Variants in CADPS2 observed in about 807,000 individuals in gnomAD.
The protein encoded by CADPS2 is calcium-dependent secretion activator 2.
A neutral mutation model predicts 172.5 loss-of-function variants in CADPS2; 93 were observed. The ratio of observed to expected loss-of-function variants is 0.54; its 90% CI spans 0.46 to 0.64. The LOEUF (loss-of-function observed/expected upper bound fraction) is 0.64, where lower values mean the gene tolerates loss of function less well. CADPS2 is among the 30% of genes least tolerant of loss of function. The pLI, the probability that CADPS2 is intolerant of heterozygous loss-of-function variation, is 0.00. For synonymous variants in CADPS2, 546 were observed against 555.2 expected (o/e 0.98, Z 0.23); for missense variants, 1,420 against 1,565.9 (o/e 0.91, Z 1.57).
intron 3 of CADPS2, among the ~76,000 whole-genome samples, chr7:122,635,551 T>G (rs113866611): frequency 6.6e-6 from 1 of 152,042 alleles, no homozygotes. Flanking sequence ...GTTCTTGCGA[T>G]AGTTTACTGA....
chr7:122,847,415 C>T (rs979972141), intron 1 of CADPS2, among the ~76,000 whole-genome samples: 2 of 152,186 alleles, frequency 1.3e-5, no homozygotes, highest in Admixed American at 6.5e-5. Flanking sequence ...TCTAGCTCAA[C>T]ACTCAACTCC....
chr7:122,366,685 G>GTATATATATA (rs34421933), intron 25 of CADPS2: 1 of 126,768 alleles, frequency 7.9e-6, no homozygotes, highest in African/African-American at 3.3e-5. Flanking sequence ...ATATATATAC[G>GTATATATATA]TATATATATA....
intron 1 of CADPS2, among the ~76,000 whole-genome samples, chr7:122,792,570 A>G (rs954908946): frequency 6.6e-6 from 1 of 152,160 alleles, no homozygotes; most frequent in East Asian, 1.9e-4. Context: ...ACAGACTAAG[A>G]CACTATTTTA....
rs528561550 is a variant in CADPS2 at position 122,817,456 on chromosome 7, C to T, written c.339+68543G>A. 6.6e-5 allele frequency among the ~76,000 whole-genome samples: 10 copies of T among 152,232 alleles called. No individual in the cohort carries two copies. In the East Asian group the frequency reaches 7.7e-4, roughly 12 times the overall value. ...TTTCATTTTCTGGGAGAGACAAAGG[C>T]GACACGTTTTATCCGTGGACCCAAA... On this transcript the variant is annotated intron_variant, in intron 1 of 29. Coordinates refer to ENST00000449022, the MANE Select transcript of CADPS2 (RefSeq NM_017954.11).
intron 2 of CADPS2, among the ~76,000 whole-genome samples, chr7:122,722,747 G>C (rs899246923): frequency 1.4e-5 from 2 of 145,582 alleles, no homozygotes; most frequent in African/African-American, 5.1e-5. Flanking sequence ...AAAGAACAAA[G>C]CTGGAGGCAT....
intron 7 of CADPS2, among the ~76,000 whole-genome samples, chr7:122,568,818 G>C (rs2066810278): frequency 1.3e-5 from 2 of 151,960 alleles, no homozygotes; most frequent in African/African-American, 4.8e-5. Context: ...GAGCCAAAAA[G>C]AAAAAAATCA....
intron 1 of CADPS2, among the ~76,000 whole-genome samples, chr7:122,769,624 C>T (rs1224808516): frequency 6.6e-6 from 1 of 152,174 alleles, no homozygotes; most frequent in Non-Finnish European, 1.5e-5. Flanking sequence ...GCCATTTTCT[C>T]AAGTCTCTTA....
At chr7:122,804,457 A>AT (rs1798349690) in intron 1 of CADPS2, among the ~76,000 whole-genome samples, 1 of 152,168 alleles carries the variant, frequency 6.6e-6, no homozygotes. Flanking sequence ...ATGGCTGATG[A>AT]TTTTAGAATC....
At chr7:122,751,744 T>C (rs2138408042) in intron 1 of CADPS2, among the ~76,000 whole-genome samples, 1 of 152,216 alleles carries the variant, frequency 6.6e-6, no homozygotes, top group Admixed American at 6.5e-5. Context: ...GCTACACTGA[T>C]CCAAAGAGAA....
intron 1 of CADPS2, among the ~76,000 whole-genome samples, chr7:122,766,148 C>A (rs970586714): frequency 2.0e-5 from 3 of 152,020 alleles, no homozygotes; most frequent in African/African-American, 7.2e-5. Context: ...CACACTCTTG[C>A]AGTAACCCAG....
At chr7:122,550,123 C>A (rs1458598228) in intron 8 of CADPS2, among the ~76,000 whole-genome samples, 1 of 152,136 alleles carries the variant, frequency 6.6e-6, no homozygotes, top group Non-Finnish European at 1.5e-5. Flanking sequence ...GGCCCTCTCT[C>A]TGGGAAATGG....
chr7:122,825,584 A>G (rs984761459), intron 1 of CADPS2, among the ~76,000 whole-genome samples: 1 of 152,336 alleles, frequency 6.6e-6, no homozygotes, highest in Middle Eastern at 3.4e-3. Flanking sequence ...GGTAAAGGAA[A>G]CAGGGCTGAA....
At chr7:122,552,490 T>C (rs1587183363) in intron 8 of CADPS2, among the ~76,000 whole-genome samples, 1 of 152,114 alleles carries the variant, frequency 6.6e-6, no homozygotes, top group East Asian at 1.9e-4. Context: ...CAGGCCTTTC[T>C]AGGGGTACTG....
At chr7:122,763,447 G>A (rs1275097654) in intron 1 of CADPS2, among the ~76,000 whole-genome samples, 3 of 152,082 alleles carry the variant, frequency 2.0e-5, no homozygotes, top group Admixed American at 2.0e-4. Flanking sequence ...TAGAAATATG[G>A]GTCATATGTA....
At chr7:122,551,965 G>A (rs1217814872) in intron 8 of CADPS2, among the ~76,000 whole-genome samples, 1 of 152,076 alleles carries the variant, frequency 6.6e-6, no homozygotes, top group Non-Finnish European at 1.5e-5. Context: ...GACGAATATA[G>A]CTATGCTGTA....
chr7:122,809,515 C>T (rs893447859), intron 1 of CADPS2, among the ~76,000 whole-genome samples: 8 of 149,582 alleles, frequency 5.3e-5, no homozygotes, highest in South Asian at 2.1e-4. Flanking sequence ...GGGAAGCAGA[C>T]GTTGCAGTGC....
chr7:122,545,663 G>C (rs2063549798), intron 8 of CADPS2, among the ~76,000 whole-genome samples: 1 of 152,120 alleles, frequency 6.6e-6, no homozygotes, highest in Admixed American at 6.6e-5. Flanking sequence ...GACTGAATTA[G>C]GGTTGGCAGA....
At chr7:122,837,067 T>C (rs1808707975) in intron 1 of CADPS2, among the ~76,000 whole-genome samples, 1 of 152,178 alleles carries the variant, frequency 6.6e-6, no homozygotes, top group Non-Finnish European at 1.5e-5. Context: ...ACATAAATTA[T>C]AACAAACTGT....
At chr7:122,694,737 T>G (rs1371738540) in intron 2 of CADPS2, among the ~76,000 whole-genome samples, 1 of 152,238 alleles carries the variant, frequency 6.6e-6, no homozygotes, top group African/African-American at 2.4e-5. Flanking sequence ...ATCTTTATTT[T>G]TCATCATTAA....
Sources: gnomAD v4.1 joint callset for allele counts (sites outside exome capture counted in the v4.1 genomes callset) on GRCh38, gnomAD v4.1.1 for gene constraint, MANE v1.5 for transcripts, NCBI Gene and HGNC (gene_info 2026-07-23, HGNC 2026-07-21) for gene names.